GHR: variants seen among roughly 807,000 people sequenced by gnomAD.
The protein encoded by GHR is GH receptor.
A neutral mutation model predicts 67.1 loss-of-function variants in GHR; 35 were observed. The observed-to-expected ratio is 0.52, with a 90% CI of 0.40 to 0.69. The LOEUF is 0.69. Among genes scored for constraint, GHR ranks in the 30% least tolerant of loss-of-function variants. The probability of loss-of-function intolerance (pLI) is 0.00; values close to 1 mark genes in which losing one functional copy is unlikely to be tolerated. For synonymous variants in GHR, 272 were observed against 269.1 expected (o/e 1.01, Z -0.10); for missense variants, 792 against 764.6 (o/e 1.04, Z -0.42).
At chr5:42,548,772 G>T (rs1748865463) in intron 1 of GHR, among the ~76,000 whole-genome samples, 1 of 152,080 alleles carries the variant, frequency 6.6e-6, no homozygotes, top group East Asian at 1.9e-4. Flanking sequence ...TTCTGTGCTG[G>T]AGTTTATAAA....
chr5:42,511,186 T>C (rs1746999862), intron 1 of GHR, among the ~76,000 whole-genome samples: 1 of 152,232 alleles, frequency 6.6e-6, no homozygotes, highest in African/African-American at 2.4e-5. Flanking sequence ...CCTGGAATGC[T>C]TTCCCTCCAG....
At chr5:42,506,140 C>T (rs1161141642) in intron 1 of GHR, among the ~76,000 whole-genome samples, 2 of 152,160 alleles carry the variant, frequency 1.3e-5, no homozygotes, top group Admixed American at 6.5e-5. Flanking sequence ...CTCAGTGAGA[C>T]AGATAACCTT....
At chr5:42,540,298 T>G (rs1267321446) in intron 1 of GHR, among the ~76,000 whole-genome samples, 1 of 152,076 alleles carries the variant, frequency 6.6e-6, no homozygotes, top group Non-Finnish European at 1.5e-5. Context: ...TTATAGTTAT[T>G]GATTTTCAGA....
intron 3 of GHR, among the ~76,000 whole-genome samples, chr5:42,682,934 G>C (rs1415543382): frequency 6.6e-6 from 1 of 152,158 alleles, no homozygotes; most frequent in African/African-American, 2.4e-5. Flanking sequence ...GCTGGATAGG[G>C]AAAGATTGGT....
At chr5:42,498,798 C>G (rs1185618271) in intron 1 of GHR, among the ~76,000 whole-genome samples, 1 of 152,148 alleles carries the variant, frequency 6.6e-6, no homozygotes, top group Non-Finnish European at 1.5e-5. Flanking sequence ...TTGTGTTAAG[C>G]TGGGCACCTT....
intron 1 of GHR, among the ~76,000 whole-genome samples, chr5:42,553,394 A>C (rs1458882749): frequency 1.3e-5 from 2 of 152,160 alleles, no homozygotes; most frequent in African/African-American, 4.8e-5. Flanking sequence ...CCTAGAGGCT[A>C]TCTGCATTGC....
intron 8 of GHR, among the ~76,000 whole-genome samples, chr5:42,717,605 G>A (rs1238255591): frequency 6.6e-6 from 1 of 151,924 alleles, no homozygotes; most frequent in Admixed American, 6.6e-5. Flanking sequence ...CTTTTTCAAG[G>A]GTGTAAGTAA....
intron 2 of GHR, among the ~76,000 whole-genome samples, chr5:42,622,448 A>G (rs529399803): frequency 3.9e-5 from 6 of 152,198 alleles, no homozygotes; most frequent in Non-Finnish European, 8.8e-5. Flanking sequence ...GTGTCTTGTC[A>G]TAAGAATCAC....
At chr5:42,579,234 A>T (rs1183131297) in intron 2 of GHR, among the ~76,000 whole-genome samples, 1 of 152,162 alleles carries the variant, frequency 6.6e-6, no homozygotes, top group Non-Finnish European at 1.5e-5. Context: ...CTAAGTAATT[A>T]TCTGCTGGTA....
rs1344289031 is a variant in GHR, at chr5:42,485,432, GTACT to G, written c.-12+61483_-12+61486del. ...TATGTTTTGTGCTGTAGTTATTTAT[GTACT>G]TACTTGTTTTTCCCCCTTCTTTGCT... On this transcript the variant is annotated intron_variant, in intron 1 of 9. Transcript: ENST00000230882. Among the ~76,000 whole-genome samples the G allele has an allele frequency of 4.6e-5, 7 of 152,188 alleles. No individual in the cohort carries two copies. In the East Asian group the frequency reaches 1.4e-3, roughly 29 times the overall value.
intron 2 of GHR, among the ~76,000 whole-genome samples, chr5:42,581,943 C>T (rs1455953995): frequency 6.6e-6 from 1 of 152,234 alleles, no homozygotes; most frequent in East Asian, 1.9e-4. Flanking sequence ...TGCACCTGCA[C>T]CCAGCACCCG....
chr5:42,464,884 G>T (rs1579747790), intron 1 of GHR, among the ~76,000 whole-genome samples: 1 of 152,270 alleles, frequency 6.6e-6, no homozygotes. Context: ...AGTAACTAGG[G>T]CATAGTAACA....
chr5:42,598,834 TAC>T (rs1463593051), intron 2 of GHR, among the ~76,000 whole-genome samples: 2 of 152,178 alleles, frequency 1.3e-5, no homozygotes, highest in Non-Finnish European at 2.9e-5. Flanking sequence ...AAATTTGGAA[TAC>T]ACACAGTCAA....
chr5:42,602,378 A>G (rs1057033649), intron 2 of GHR, among the ~76,000 whole-genome samples: 5 of 152,238 alleles, frequency 3.3e-5, no homozygotes, highest in Admixed American at 1.3e-4. Context: ...TTTTTCCATC[A>G]CTTACCTTTT....
chr5:42,635,464 C>A (rs1042609698), intron 3 of GHR, among the ~76,000 whole-genome samples: 5 of 152,100 alleles, frequency 3.3e-5, no homozygotes, highest in African/African-American at 1.2e-4. Context: ...TTAAAGCATA[C>A]AACTATATTA....
At chr5:42,662,569 C>T (rs568169613) in intron 3 of GHR, among the ~76,000 whole-genome samples, 2 of 152,216 alleles carry the variant, frequency 1.3e-5, no homozygotes, top group East Asian at 3.9e-4. Context: ...AGAACAAAGA[C>T]ACAACATACC....
At chr5:42,678,194 T>C (rs1322902669) in intron 3 of GHR, among the ~76,000 whole-genome samples, 2 of 152,152 alleles carry the variant, frequency 1.3e-5, no homozygotes, top group Non-Finnish European at 2.9e-5. Flanking sequence ...GTGATTGAGG[T>C]AGGATTTGAA....
intron 1 of GHR, among the ~76,000 whole-genome samples, chr5:42,494,123 C>T (rs561792909): frequency 6.6e-6 from 1 of 152,266 alleles, no homozygotes; most frequent in East Asian, 1.9e-4. Context: ...CCTCTCCATA[C>T]ATTCTATAGC....
rs59927289 is a variant in GHR, at chr5:42,474,295, GAGAAAGAA to G, written c.-12+50378_-12+50385del. On this transcript the variant is annotated intron_variant, in intron 1 of 9. Coordinates refer to ENST00000230882, the MANE Select transcript of GHR (RefSeq NM_000163.5). ...AGAAAGAAAGAAAGAAAAAGAGAAA[GAGAAAGAA>G]AGAAAGAAAGAAAGAAAGAAAGAAA... Among the ~76,000 whole-genome samples the G allele has an allele frequency of 2.6e-4, 21 of 81,070 alleles. 1 individual carries two copies. Among genetic ancestry groups the G allele is most frequent in the Admixed American group, 1.8e-3 (13 of 7,274 alleles). The allele number at this position is 81,070 out of a possible 152,430, so 53.2% of individuals were successfully genotyped here.
Sources: allele counts gnomAD v4.1 joint callset (sites outside exome capture counted in the v4.1 genomes callset), GRCh38; gene constraint gnomAD v4.1.1; transcripts MANE v1.5; gene names NCBI Gene and HGNC (gene_info 2026-07-23, HGNC 2026-07-21).